NRCAM: variants seen among roughly 807,000 people sequenced by gnomAD.
NRCAM encodes the protein NgCAM-related cell adhesion molecule.
A neutral mutation model predicts 156.5 loss-of-function variants in NRCAM; 83 were observed. The observed-to-expected ratio is 0.53, with a 90% CI of 0.44 to 0.64. The LOEUF (loss-of-function observed/expected upper bound fraction) is 0.64. Among genes scored for constraint, NRCAM ranks in the 30% least tolerant of loss-of-function variants. The probability of loss-of-function intolerance (pLI) is 0.00; values close to 1 mark genes in which losing one functional copy is unlikely to be tolerated. For missense variants in NRCAM, 1,417 were observed against 1,597.3 expected, an observed-to-expected ratio of 0.89 and a Z score of 1.92; for synonymous variants, 538 against 563.9, an observed-to-expected ratio of 0.95 and a Z score of 0.65.
At chr7:108,255,590 C>T (rs1421491938) in intron 3 of NRCAM, among the ~76,000 whole-genome samples, 1 of 152,096 alleles carries the variant, frequency 6.6e-6, no homozygotes, top group Non-Finnish European at 1.5e-5. Flanking sequence ...GCCGCCACCC[C>T]GTCTGGGAAG....
chr7:108,216,116 A>G (rs1433335716), intron 11 of NRCAM, among the ~76,000 whole-genome samples: 2 of 152,134 alleles, frequency 1.3e-5, no homozygotes, highest in Admixed American at 1.3e-4. Context: ...GTGGTGACAA[A>G]ACCCCTCAGG....
chr7:108,287,080 T>C (rs1282003170), intron 3 of NRCAM, among the ~76,000 whole-genome samples: 1 of 151,934 alleles, frequency 6.6e-6, no homozygotes, highest in Non-Finnish European at 1.5e-5. Context: ...CCCCTATTTC[T>C]TACCATACAC....
At chr7:108,192,057 G>A (rs150585414) in intron 17 of NRCAM, among the ~76,000 whole-genome samples, 1 of 152,332 alleles carries the variant, frequency 6.6e-6, no homozygotes, top group Admixed American at 6.5e-5. Context: ...GGTTAGAAGG[G>A]ATATGTCCTC....
intron 2 of NRCAM, among the ~76,000 whole-genome samples, chr7:108,358,167 A>G (rs2099519975): frequency 1.3e-5 from 2 of 150,574 alleles, no homozygotes; most frequent in Admixed American, 1.3e-4. Flanking sequence ...CAGTACTGTG[A>G]GAGGCCAAGG....
intron 2 of NRCAM, among the ~76,000 whole-genome samples, chr7:108,386,632 T>C (rs1456249189): frequency 6.6e-6 from 1 of 152,094 alleles, no homozygotes; most frequent in African/African-American, 2.4e-5. Context: ...AAAACTATGA[T>C]AATAATAACC....
chr7:108,248,736 T>C (rs1206710906), intron 3 of NRCAM, among the ~76,000 whole-genome samples: 1 of 152,206 alleles, frequency 6.6e-6, no homozygotes, highest in Non-Finnish European at 1.5e-5. Flanking sequence ...ACACAACTTT[T>C]GCTCACAACC....
chr7:108,191,636 A>T (rs574532045), intron 18 of NRCAM, 93 bp downstream of exon 18: 2 of 1,413,224 alleles, frequency 1.4e-6, no homozygotes, highest in African/African-American at 2.9e-5. Flanking sequence ...CATATTAACA[A>T]GCAAATATTT....
intron 3 of NRCAM, among the ~76,000 whole-genome samples, chr7:108,251,679 G>A (rs1459358704): frequency 2.0e-5 from 3 of 152,222 alleles, no homozygotes; most frequent in Admixed American, 6.5e-5. Flanking sequence ...ACATGGTGCT[G>A]TCTCAACCAA....
intron 3 of NRCAM, among the ~76,000 whole-genome samples, chr7:108,305,548 T>C (rs1002915762): frequency 6.6e-6 from 1 of 152,210 alleles, no homozygotes; most frequent in African/African-American, 2.4e-5. Context: ...CTGTGCTTCT[T>C]CTCCGTGTTG....
chr7:108,304,776 C>G (rs1373485047), intron 3 of NRCAM, among the ~76,000 whole-genome samples: 1 of 152,138 alleles, frequency 6.6e-6, no homozygotes, highest in Non-Finnish European at 1.5e-5. Flanking sequence ...TGAGGGAAAT[C>G]TGTTTTATAA....
intron 3 of NRCAM, among the ~76,000 whole-genome samples, chr7:108,310,253 A>G (rs1188863971): frequency 1.3e-5 from 2 of 152,222 alleles, no homozygotes; most frequent in Admixed American, 6.5e-5. Flanking sequence ...GAATGTGGCC[A>G]GCAGAAAACT....
chr7:108,225,507 A>G (rs962432873), intron 10 of NRCAM, 138 bp downstream of exon 10: 1 of 689,236 alleles, frequency 1.5e-6, no homozygotes, highest in African/African-American at 1.8e-5. Context: ...CATAAGAAAC[A>G]TACATTTATA....
At chr7:108,444,031 A>T (rs555068958) in intron 1 of NRCAM, among the ~76,000 whole-genome samples, 1 of 152,170 alleles carries the variant, frequency 6.6e-6, no homozygotes, top group African/African-American at 2.4e-5. Context: ...TGGGTTTTGC[A>T]TCTGTAGATT....
chr7:108,402,339 T>G (rs1416888265), intron 1 of NRCAM, among the ~76,000 whole-genome samples: 1 of 152,370 alleles, frequency 6.6e-6, no homozygotes, highest in Admixed American at 6.5e-5. Context: ...TTTACAAATA[T>G]GTTGCATATG....
At chr7:108,225,804 G>C in intron 9 of NRCAM, 103 bp from the exon 10 acceptor site, 1 of 783,244 alleles carries the variant, frequency 1.3e-6, no homozygotes, top group Non-Finnish European at 2.3e-6. Flanking sequence ...CTGACCGAGT[G>C]CTGTTCCTAT....
intron 30 of NRCAM, 67 bp from the exon 31 acceptor site, chr7:108,160,559 C>G: frequency 1.4e-6 from 2 of 1,478,526 alleles, no homozygotes; most frequent in East Asian, 4.8e-5. Context: ...TGCAGTCTCT[C>G]AGAGTAAAAA....
chr7:108,177,361 C>T (rs1331375675), intron 26 of NRCAM, among the ~76,000 whole-genome samples: 2 of 152,112 alleles, frequency 1.3e-5, no homozygotes, highest in South Asian at 4.2e-4. Context: ...CAGTGGCTCA[C>T]GCCTGTAATC....
Position 108,148,765 on chromosome 7 carries a change from T to C in NRCAM, c.*1145A>G, listed in dbSNP as rs1296924213. The C allele has an allele frequency of 6.6e-6, 1 of 152,626 alleles. No homozygotes were observed. Among genetic ancestry groups the C allele is most frequent in the Non-Finnish European group, 1.5e-5 (1 of 68,044 alleles). 9.5% of individuals were successfully genotyped at this position (152,626 alleles called of 1,614,324 possible). On this transcript the variant is annotated 3_prime_UTR_variant, in exon 33 of 33. Coordinates refer to ENST00000379028, the MANE Select transcript of NRCAM (RefSeq NM_001037132.4). ...GCTTTTAGTGTTGGAATAACTTAGT[T>C]TTAAAATTAATTTTCTAGCATGTTG...
chr7:108,340,978 G>A (rs541093164), intron 2 of NRCAM, among the ~76,000 whole-genome samples: 7 of 152,300 alleles, frequency 4.6e-5, no homozygotes, highest in East Asian at 3.9e-4. Flanking sequence ...AAAGGCTACC[G>A]CTTTAGTTAT....
Sources: gnomAD v4.1 joint callset for allele counts (sites outside exome capture counted in the v4.1 genomes callset) on GRCh38, gnomAD v4.1.1 for gene constraint, MANE v1.5 for transcripts, NCBI Gene and HGNC (gene_info 2026-07-23, HGNC 2026-07-21) for gene names.